DRICH1: variants seen among roughly 807,000 people sequenced by gnomAD.
DRICH1 encodes aspartate rich 1.
DRICH1 carries 38 observed loss-of-function variants against 39.5 expected under a neutral mutation model. The ratio of observed to expected loss-of-function variants is 0.96; its 90% CI spans 0.74 to 1.26. DRICH1 has a LOEUF of 1.26. DRICH1 is among the 50% of genes most tolerant of loss of function. The probability of loss-of-function intolerance (pLI) is 0.00; values close to 1 mark genes in which losing one functional copy is unlikely to be tolerated. For synonymous variants in DRICH1, 84 were observed against 99.5 expected (o/e 0.84, Z 0.93); for missense variants, 279 against 270.4 (o/e 1.03, Z -0.22).
downstream of DRICH1, among the ~76,000 whole-genome samples, chr22:23,607,848 A>C (rs1202208712): frequency 6.6e-6 from 1 of 152,136 alleles, no homozygotes; most frequent in Non-Finnish European, 1.5e-5. Context: ...TGTCATCCCC[A>C]AGGGGAGCTC....
At chr22:23,629,096 T>C (rs951685422) in intron 1 of DRICH1, among the ~76,000 whole-genome samples, 5 of 152,316 alleles carry the variant, frequency 3.3e-5, no homozygotes, top group African/African-American at 1.2e-4. Context: ...TGGAGTGCAA[T>C]GGCTCGATCT....
chr22:23,612,244 T>G (rs945686244), intron 11 of DRICH1, among the ~76,000 whole-genome samples: 1 of 151,986 alleles, frequency 6.6e-6, no homozygotes, highest in Non-Finnish European at 1.5e-5. Flanking sequence ...GGCGGGCAGA[T>G]CGCCTGAGCT....
intron 2 of DRICH1, among the ~76,000 whole-genome samples, chr22:23,625,324 G>A (rs1927995958): frequency 1.3e-5 from 2 of 152,026 alleles, no homozygotes; most frequent in African/African-American, 4.8e-5. Context: ...AAAATTAATT[G>A]AGAAGGAAAG....
downstream of DRICH1, among the ~76,000 whole-genome samples, chr22:23,604,248 C>G (rs538973848): frequency 6.6e-6 from 1 of 152,186 alleles, no homozygotes; most frequent in Non-Finnish European, 1.5e-5. Flanking sequence ...TCTCAGACCA[C>G]CTTGGCCCCA....
At chr22:23,614,693 A>G (rs567824461) in intron 8 of DRICH1, among the ~76,000 whole-genome samples, 3 of 152,366 alleles carry the variant, frequency 2.0e-5, no homozygotes, top group Admixed American at 2.0e-4. Context: ...TCTATTAATG[A>G]CACTTTCTTT....
At chr22:23,603,647 C>T (rs553288939), downstream of DRICH1, among the ~76,000 whole-genome samples, 16 of 152,250 alleles carry the variant, frequency 1.1e-4, no homozygotes, top group African/African-American at 2.9e-4. Flanking sequence ...CTTTGAGGGG[C>T]GCCCAGCACC....
chr22:23,608,378 G>A (rs77396288), downstream of DRICH1: 818 of 236,366 alleles, frequency 3.5e-3, 2 homozygotes, highest in Non-Finnish European at 5.0e-3. Context: ...GACCCAGATC[G>A]CCATCGATGT....
Position 23,625,975 on chromosome 22 carries a change from T to A in DRICH1, c.276+6A>T. ...TTCCTTAGAAGGCAAAGAAAGGGGG[T>A]CTTACCTTGGCATCATCATTGTCTT... On this transcript the variant is annotated splice_donor_region_variant and intron_variant, in intron 2 of 11. Coordinates refer to ENST00000317749, the MANE Select transcript of DRICH1 (RefSeq NM_016449.4). The A allele has an allele frequency of 6.2e-7, 1 of 1,609,478 alleles. No homozygotes were observed. The highest frequency in any genetic ancestry group is 8.5e-7 in the Non-Finnish European group (1 of 1,176,760).
At chr22:23,625,792 C>T (rs1417613554) in intron 2 of DRICH1, among the ~76,000 whole-genome samples, 189 bp downstream of exon 2, 5 of 152,192 alleles carry the variant, frequency 3.3e-5, no homozygotes, top group Admixed American at 2.6e-4. Context: ...CCTGCACACT[C>T]GGGGATAAAT....
At chr22:23,593,790 A>G in the DRICH1 span, among the ~76,000 whole-genome samples, 1 of 151,798 alleles carries the variant, frequency 6.6e-6, no homozygotes, top group African/African-American at 2.4e-5. Context: ...GCAAGACTCC[A>G]TCTCAAAACA....
At chr22:23,615,798 T>C (rs1192986448) in intron 8 of DRICH1, among the ~76,000 whole-genome samples, 1 of 152,190 alleles carries the variant, frequency 6.6e-6, no homozygotes, top group African/African-American at 2.4e-5. Flanking sequence ...GGTTCTAGCA[T>C]GGGGGCACTC....
At chr22:23,600,148 C>T in the DRICH1 span, among the ~76,000 whole-genome samples, 1 of 152,188 alleles carries the variant, frequency 6.6e-6, no homozygotes, top group Non-Finnish European at 1.5e-5. Flanking sequence ...CTCTTGGGGG[C>T]AGCTGTGCTT....
chr22:23,581,014 C>G, the DRICH1 span: 4 of 152,232 alleles, frequency 2.6e-5, no homozygotes, highest in Non-Finnish European at 4.4e-5. Flanking sequence ...TATTTACCAC[C>G]TACAGTGCGA....
intron 4 of DRICH1, among the ~76,000 whole-genome samples, chr22:23,621,478 T>C (rs914167950): frequency 2.0e-5 from 3 of 151,934 alleles, no homozygotes; most frequent in African/African-American, 7.3e-5. Context: ...CCCACGAAGA[T>C]TGTGACCTCA....
the DRICH1 span, among the ~76,000 whole-genome samples, chr22:23,581,937 G>C: frequency 3.3e-5 from 5 of 151,024 alleles, no homozygotes; most frequent in African/African-American, 1.2e-4. Flanking sequence ...CAGTTCAGTG[G>C]CATTAACTAC....
chr22:23,630,197 T>C (rs1928308003), intron 1 of DRICH1, among the ~76,000 whole-genome samples: 1 of 152,146 alleles, frequency 6.6e-6, no homozygotes, highest in Non-Finnish European at 1.5e-5. Context: ...TGGGGCCCCA[T>C]CTGATGGTGG....
intron 5 of DRICH1, among the ~76,000 whole-genome samples, chr22:23,620,125 A>C (rs1408630471): frequency 1.3e-5 from 2 of 152,210 alleles, no homozygotes; most frequent in African/African-American, 2.4e-5. Flanking sequence ...ACTTCTCATC[A>C]TGATGACATT....
chr22:23,590,978 G>A, the DRICH1 span, among the ~76,000 whole-genome samples: 1 of 152,164 alleles, frequency 6.6e-6, no homozygotes, highest in Non-Finnish European at 1.5e-5. Flanking sequence ...ATATCTGCTT[G>A]AAAAGAATGT....
intron 5 of DRICH1, 23 bp downstream of exon 5, chr22:23,620,571 G>C (rs767958999): frequency 6.2e-7 from 1 of 1,611,880 alleles, no homozygotes; most frequent in East Asian, 2.2e-5. Context: ...TTCTCAGAAA[G>C]TGAGTTAGTT....
Sources: allele counts gnomAD v4.1 joint callset (sites outside exome capture counted in the v4.1 genomes callset), GRCh38; gene constraint gnomAD v4.1.1; transcripts MANE v1.5; gene names NCBI Gene and HGNC (gene_info 2026-07-23, HGNC 2026-07-21).